Variants in LRIG2 observed in about 807,000 individuals in gnomAD.
The protein encoded by LRIG2 is leucine-rich repeats and immunoglobulin-like domains protein 2.
Under a neutral mutation model 107.8 loss-of-function variants are expected in LRIG2, and 93 were observed. The observed-to-expected ratio is 0.86, with a 90% confidence interval of 0.73 to 1.03. The LOEUF is 1.03. Among genes scored for constraint, LRIG2 ranks in the 50% least tolerant of loss-of-function variants. The probability of loss-of-function intolerance (pLI) is 0.00; values close to 1 mark genes in which losing one functional copy is unlikely to be tolerated. For synonymous variants in LRIG2, 471 were observed against 470.6 expected, an observed-to-expected ratio of 1.00 and a Z score of -0.01; for missense variants, 1,226 against 1,296.0, an observed-to-expected ratio of 0.95 and a Z score of 0.83.
intron 17 of LRIG2, among the ~76,000 whole-genome samples, chr1:113,120,505 ATTT>A (rs751770841): frequency 5.5e-5 from 7 of 126,256 alleles, no homozygotes; most frequent in Admixed American, 8.3e-5. Context: ...TACTGAGAAG[ATTT>A]TTTTTTTTTT....
rs371833705 is a variant in LRIG2, at chr1:113,100,299, C to T, written c.1244+17C>T. 4 of 1,570,244 alleles carry T rather than the reference C, an allele frequency of 2.5e-6. No homozygotes were observed. The African/African-American group carries it at 4.1e-5, about 16-fold the overall frequency. ...TGAGCATCTGTAAGTATTTTGCATA[C>T]ATTTTGCTTACTCTATAAATAATCT... On this transcript the variant is annotated intron_variant, in intron 10 of 17. Transcript: ENST00000361127.
chr1:113,077,691 C>G (rs1653048916), intron 1 of LRIG2, among the ~76,000 whole-genome samples: 1 of 151,898 alleles, frequency 6.6e-6, no homozygotes, highest in African/African-American at 2.4e-5. Context: ...TGAGCTTCAA[C>G]CTCTGTAGCT....
intron 1 of LRIG2, among the ~76,000 whole-genome samples, chr1:113,077,773 A>T (rs1007971647): frequency 6.6e-6 from 1 of 151,998 alleles, no homozygotes; most frequent in Non-Finnish European, 1.5e-5. Flanking sequence ...TCTAGGGTAC[A>T]TGTGCACAAC....
At chr1:113,112,387 C>G in intron 13 of LRIG2, 92 bp from the exon 14 acceptor site, 2 of 1,114,128 alleles carry the variant, frequency 1.8e-6, no homozygotes, top group Middle Eastern at 2.5e-4. Flanking sequence ...TAGGGGGTGT[C>G]TTGCCTACTA....
intron 1 of LRIG2, 139 bp from the exon 2 acceptor site, chr1:113,091,179 C>T (rs1653804745): frequency 2.0e-6 from 1 of 496,768 alleles, no homozygotes; most frequent in East Asian, 3.4e-5. Flanking sequence ...CTGCCTCAGC[C>T]TCCCCAAGTG....
chr1:113,096,244 A>G lies in LRIG2; in HGVS notation c.970A>G (p.Thr324Ala). ...CAGTGATTTGTCCTATAACCAGCTG[A>G]CCCGCCTGGATGAATCTGCCTTTGT... ...SELDLSYNQL[T>A]RLDESAFVGL... Residue 324 changes from threonine (T) to alanine (A), a missense_variant, in exon 8 of 18, where the codon ACC becomes GCC. Physicochemically the swap from Thr to Ala is moderately conservative, Grantham distance 58. Coordinates refer to ENST00000361127, the MANE Select transcript of LRIG2 (RefSeq NM_014813.3). 6.2e-7 allele frequency: 1 copy of G among 1,614,010 alleles called. No individual in the cohort carries two copies. Among genetic ancestry groups the G allele is most frequent in the Non-Finnish European group, 8.5e-7 (1 of 1,180,010 alleles).
intron 1 of LRIG2, among the ~76,000 whole-genome samples, chr1:113,085,414 C>G (rs1653501965): frequency 6.6e-6 from 1 of 152,070 alleles, no homozygotes; most frequent in East Asian, 1.9e-4. Flanking sequence ...CTCCCAAGTA[C>G]CTGGGATTAA....
chr1:113,102,261 ATT>A (rs58695970), intron 11 of LRIG2, among the ~76,000 whole-genome samples: 9 of 150,436 alleles, frequency 6.0e-5, no homozygotes, highest in East Asian at 2.0e-4. Context: ...TTGTTCCAGT[ATT>A]TTTTTTTTTA....
intron 16 of LRIG2, among the ~76,000 whole-genome samples, chr1:113,116,722 T>C (rs1225370264): frequency 6.6e-6 from 1 of 152,204 alleles, no homozygotes; most frequent in Non-Finnish European, 1.5e-5. Flanking sequence ...TTTTTTCAGG[T>C]ATCTCTTTCT....
At chr1:113,111,868 T>G (rs1654788011) in intron 13 of LRIG2, among the ~76,000 whole-genome samples, 1 of 152,126 alleles carries the variant, frequency 6.6e-6, no homozygotes, top group Non-Finnish European at 1.5e-5. Context: ...AGTGCAGTGG[T>G]GTGATCTCAG....
chr1:113,080,595 G>C (rs1009510711), intron 1 of LRIG2, among the ~76,000 whole-genome samples: 1 of 151,306 alleles, frequency 6.6e-6, no homozygotes, highest in African/African-American at 2.4e-5. Flanking sequence ...AGCCAGGATG[G>C]TCTTGGTCTC....
intron 11 of LRIG2, among the ~76,000 whole-genome samples, chr1:113,106,284 T>C (rs1654538564): frequency 6.6e-6 from 1 of 152,186 alleles, no homozygotes; most frequent in Non-Finnish European, 1.5e-5. Context: ...TTAGATACTT[T>C]ATGCCAAACA....
At chr1:113,098,521 T>C (rs888507870) in intron 8 of LRIG2, among the ~76,000 whole-genome samples, 184 bp from the exon 9 acceptor site, 1 of 152,080 alleles carries the variant, frequency 6.6e-6, no homozygotes, top group Admixed American at 6.5e-5. Context: ...TTATTACAGA[T>C]ATTTCTTACG....
rs1655649820 is a variant in LRIG2, at chr1:113,130,149, G to A, written c.*6048G>A. The A allele has an allele frequency of 6.6e-6, 1 of 152,176 alleles. No homozygotes were observed. The highest frequency in any genetic ancestry group is 1.5e-5 in the Non-Finnish European group (1 of 68,080). 9.4% of individuals were successfully genotyped at this position (152,176 alleles called of 1,614,324 possible). On this transcript the variant is annotated 3_prime_UTR_variant, in exon 18 of 18. Transcript: ENST00000361127. ...AATCTCCCCACTTAGGCCTCCCAAAGTGCAGGGATTATAGGCATGAGCCAC... is the reference window on the plus strand; with the variant it reads ...AATCTCCCCACTTAGGCCTCCCAAAATGCAGGGATTATAGGCATGAGCCAC...
chr1:113,116,214 C>T, intron 15 of LRIG2, 73 bp from the exon 16 acceptor site: 1 of 1,365,840 alleles, frequency 7.3e-7, no homozygotes, highest in Non-Finnish European at 1.0e-6. Context: ...AAGTGGAACA[C>T]ATTTGCAAAA....
In LRIG2 at chr1:113,095,885, A is replaced by G. The variant is rs753020977; in HGVS notation, c.815A>G (p.His272Arg). The G allele has an allele frequency of 1.1e-5, 17 of 1,614,226 alleles. No individual in the cohort carries two copies. Among genetic ancestry groups the G allele is most frequent in the Non-Finnish European group, 1.4e-5 (17 of 1,180,034 alleles). The change falls in exon 7 of 18, where the codon CAC (histidine) becomes CGC (arginine). Residue 272 changes from histidine to arginine, a missense_variant. Around this residue, in one of 3 missense-constraint regions of LRIG2, gnomAD observed 570 missense variants for 550.2 expected, o/e 1.04. Transcript: ENST00000361127. The part of the protein sequence containing the change: ...LNNMEELELE[H>R]NNLTRVNKGW... ...CTCTAATTCTGCAGAGAACTGGAAC[A>G]CAACAACCTTACACGAGTAAACAAG...
Position 113,093,252 on chromosome 1 carries a change from C to T in LRIG2, c.352C>T (p.Pro118Ser), listed in dbSNP as rs1049556029. ...ELTEIPYFGE[P>S]TSNITLLSLV... ...AACAGAAATCCCGTATTTTGGAGAA[C>T]CTACATCTAATATTACTCTACTTTC... The change falls in exon 3 of 18, where the codon CCT becomes TCT. Residue 118 changes from proline to serine, a missense_variant. Physicochemically the swap from Pro to Ser is moderately conservative, Grantham distance 74. Coordinates refer to ENST00000361127, the MANE Select transcript of LRIG2 (RefSeq NM_014813.3). 4.5e-5 allele frequency: 72 copies of T among 1,598,624 alleles called. No homozygotes were observed. Among genetic ancestry groups the T allele is most frequent in the Non-Finnish European group, 6.1e-5 (72 of 1,172,406 alleles).
At chr1:113,120,621 C>G (rs575265917) in intron 17 of LRIG2, among the ~76,000 whole-genome samples, 12 of 151,590 alleles carry the variant, frequency 7.9e-5, no homozygotes, top group Admixed American at 4.0e-4. Flanking sequence ...AGCAATTCTC[C>G]TGCCTCAGCC....
chr1:113,110,617 G>A, intron 13 of LRIG2, 55 bp downstream of exon 13: 1 of 1,280,318 alleles, frequency 7.8e-7, no homozygotes, highest in Middle Eastern at 2.3e-4. Context: ...TTCATGTTCA[G>A]TTTTGAATCA....
Sources: allele counts gnomAD v4.1 joint callset (sites outside exome capture counted in the v4.1 genomes callset), GRCh38; gene constraint gnomAD v4.1.1; regional missense constraint gnomAD v4.1.1; transcripts MANE v1.5; gene names NCBI Gene and HGNC (gene_info 2026-07-23, HGNC 2026-07-21).